SENP7: variants seen among roughly 807,000 people sequenced by gnomAD.
SENP7 encodes the protein sentrin-specific protease 7.
A neutral mutation model predicts 141.2 loss-of-function variants in SENP7; 64 were observed. That is an observed-to-expected ratio of 0.45 (90% CI 0.37 to 0.56). SENP7 has a LOEUF of 0.56. Among genes scored for constraint, SENP7 ranks in the 20% least tolerant of loss-of-function variants. SENP7 has a pLI of 0.00. For synonymous variants in SENP7, 382 were observed against 426.4 expected, an observed-to-expected ratio of 0.90 and a Z score of 1.28; for missense variants, 1,025 against 1,212.2, an observed-to-expected ratio of 0.85 and a Z score of 2.29.
intron 5 of SENP7, among the ~76,000 whole-genome samples, chr3:101,413,236 G>A (rs549219018): frequency 2.0e-4 from 30 of 152,094 alleles, no homozygotes; most frequent in African/African-American, 6.7e-4. Context: ...AAAACAAAAA[G>A]CCTCATATCA....
intron 3 of SENP7, among the ~76,000 whole-genome samples, chr3:101,462,150 G>T (rs2063566915): frequency 6.6e-6 from 1 of 152,236 alleles, no homozygotes; most frequent in East Asian, 1.9e-4. Context: ...TAAATTGAAT[G>T]CCATAAAACG....
intron 3 of SENP7, among the ~76,000 whole-genome samples, chr3:101,493,267 A>C (rs568155320): frequency 2.0e-5 from 3 of 152,284 alleles, no homozygotes; most frequent in Non-Finnish European, 2.9e-5. Context: ...GAGGGAGAGG[A>C]ACAGGAAAAA....
intron 11 of SENP7, among the ~76,000 whole-genome samples, chr3:101,353,804 T>C (rs1450339031): frequency 2.0e-5 from 3 of 151,986 alleles, no homozygotes; most frequent in Non-Finnish European, 4.4e-5. Flanking sequence ...TTTCCAGCTA[T>C]AAGTATTTTT....
intron 1 of SENP7, among the ~76,000 whole-genome samples, chr3:101,511,693 T>C (rs1025164197): frequency 3.3e-5 from 5 of 152,272 alleles, no homozygotes; most frequent in Non-Finnish European, 7.3e-5. Context: ...GGTTTTCAAC[T>C]GCTTCAAGCA....
intron 5 of SENP7, among the ~76,000 whole-genome samples, chr3:101,401,628 A>C (rs754775330): frequency 2.8e-4 from 42 of 152,236 alleles, no homozygotes; most frequent in Non-Finnish European, 1.2e-4. Flanking sequence ...GGAGAAAGTT[A>C]TAGTAGTCTG....
intron 3 of SENP7, among the ~76,000 whole-genome samples, chr3:101,462,584 G>A (rs757459148): frequency 1.3e-5 from 2 of 149,942 alleles, no homozygotes; most frequent in African/African-American, 2.4e-5. Context: ...TAAGAATAAA[G>A]AGACCAGGTG....
chr3:101,333,818 T>C (rs1478453899), intron 17 of SENP7, among the ~76,000 whole-genome samples: 1 of 152,170 alleles, frequency 6.6e-6, no homozygotes, highest in Non-Finnish European at 1.5e-5. Flanking sequence ...CTAAAATGTG[T>C]CATAAGAGGT....
At chr3:101,411,147 C>T (rs1576264784) in intron 5 of SENP7, among the ~76,000 whole-genome samples, 1 of 152,202 alleles carries the variant, frequency 6.6e-6, no homozygotes, top group East Asian at 1.9e-4. Context: ...ATAATATCTC[C>T]CTTACAAAGT....
At chr3:101,459,171 A>C in intron 3 of SENP7, 119 bp from the exon 4 acceptor site, 1 of 516,964 alleles carries the variant, frequency 1.9e-6, no homozygotes, top group Non-Finnish European at 3.3e-6. Context: ...TTCACAGAGA[A>C]AAATAATAAG....
chr3:101,410,173 CAT>C (rs1421373539), intron 5 of SENP7, among the ~76,000 whole-genome samples: 2 of 152,196 alleles, frequency 1.3e-5, no homozygotes, highest in East Asian at 1.9e-4. Flanking sequence ...GGCCAAAAAA[CAT>C]ATGAAAAAGT....
At chr3:101,443,731 T>C (rs1407857759) in intron 4 of SENP7, among the ~76,000 whole-genome samples, 1 of 114,134 alleles carries the variant, frequency 8.8e-6, no homozygotes, top group Non-Finnish European at 1.8e-5. Context: ...GCGAGTTCAC[T>C]CATGATTTGG....
At chr3:101,353,981 G>A (rs1001990407) in intron 11 of SENP7, among the ~76,000 whole-genome samples, 4 of 151,818 alleles carry the variant, frequency 2.6e-5, no homozygotes, top group Non-Finnish European at 5.9e-5. Flanking sequence ...TTTAATTTCT[G>A]TTACAGTGCA....
At chr3:101,476,308 T>A (rs1383633703) in intron 3 of SENP7, among the ~76,000 whole-genome samples, 22 of 151,586 alleles carry the variant, frequency 1.5e-4, no homozygotes, top group Non-Finnish European at 1.5e-5. Flanking sequence ...GTCCATGTGC[T>A]CTCATTGTTC....
chr3:101,406,748 C>A (rs1280920154), intron 5 of SENP7, among the ~76,000 whole-genome samples: 1 of 152,164 alleles, frequency 6.6e-6, no homozygotes, highest in Non-Finnish European at 1.5e-5. Flanking sequence ...ACAAAAAGAT[C>A]ATCACCTAGT....
chr3:101,380,444 C>CG (rs1559744914), intron 6 of SENP7, among the ~76,000 whole-genome samples: 6 of 106,970 alleles, frequency 5.6e-5, no homozygotes, highest in Admixed American at 2.4e-4. Flanking sequence ...CGCCCCCCCC[C>CG]CCACACACAC....
At chr3:101,487,225 A>G (rs1218773472) in intron 3 of SENP7, among the ~76,000 whole-genome samples, 1 of 152,192 alleles carries the variant, frequency 6.6e-6, no homozygotes, top group East Asian at 1.9e-4. Context: ...ACAGAAAGTC[A>G]AAAAAGACAC....
intron 3 of SENP7, among the ~76,000 whole-genome samples, chr3:101,460,021 G>A (rs2063497585): frequency 6.6e-6 from 1 of 152,108 alleles, no homozygotes; most frequent in African/African-American, 2.4e-5. Context: ...ATCAAAACAT[G>A]CTGTAAGAAA....
chr3:101,480,619 G>C (rs2064429504), intron 3 of SENP7, among the ~76,000 whole-genome samples: 1 of 152,056 alleles, frequency 6.6e-6, no homozygotes, highest in Non-Finnish European at 1.5e-5. Flanking sequence ...TTATGACTAA[G>C]ACCTCAAAAG....
intron 7 of SENP7, 68 bp from the exon 8 acceptor site, chr3:101,368,079 G>A (rs1192338387): frequency 3.1e-5 from 38 of 1,209,964 alleles, no homozygotes; most frequent in Middle Eastern, 4.0e-4. Context: ...AGAAAAGCTC[G>A]AAGTAACATC....
Sources: allele counts gnomAD v4.1 joint callset (sites outside exome capture counted in the v4.1 genomes callset), GRCh38; gene constraint gnomAD v4.1.1; transcripts MANE v1.5; gene names NCBI Gene and HGNC (gene_info 2026-07-23, HGNC 2026-07-21).